SYT16: variants seen among roughly 807,000 people sequenced by gnomAD.
The protein encoded by SYT16 is synaptotagmin-16.
A neutral mutation model predicts 61.4 loss-of-function variants in SYT16; 42 were observed. That is an observed-to-expected ratio of 0.68 (90% CI 0.53 to 0.89). The LOEUF (loss-of-function observed/expected upper bound fraction) is 0.89. Ranked by LOEUF, SYT16 falls within the 40% of genes least tolerant of loss-of-function variation. SYT16 has a pLI of 0.00. For missense variants in SYT16, 804 were observed against 807.3 expected, an observed-to-expected ratio of 1.00 and a Z score of 0.05; for synonymous variants, 314 against 302.3, an observed-to-expected ratio of 1.04 and a Z score of -0.40.
chr14:61,906,787 G>GTCCGTCCATCCA (rs375002498), intron 1 of SYT16, among the ~76,000 whole-genome samples: 3,191 of 142,384 alleles, frequency 0.022, 68 homozygotes, highest in African/African-American at 0.05. Context: ...CCGTCCGTCC[G>GTCCGTCCATCCA]TCCATCCATC....
At chr14:61,816,597 T>A (rs1289839284) in intron 1 of SYT16, among the ~76,000 whole-genome samples, 2 of 152,206 alleles carry the variant, frequency 1.3e-5, no homozygotes, top group Non-Finnish European at 2.9e-5. Flanking sequence ...GATGCTGAAC[T>A]GTTATGTGAA....
At chr14:61,994,408 T>C (rs1480614720) in intron 2 of SYT16, among the ~76,000 whole-genome samples, 1 of 152,172 alleles carries the variant, frequency 6.6e-6, no homozygotes, top group East Asian at 1.9e-4. Context: ...CTTTGTGTTC[T>C]TTATTAGCTC....
chr14:62,080,612 A>G (rs1457739367), intron 5 of SYT16, among the ~76,000 whole-genome samples: 2 of 152,230 alleles, frequency 1.3e-5, no homozygotes, highest in African/African-American at 4.8e-5. Flanking sequence ...TATCCATTCC[A>G]AAAACATTCA....
intron 1 of SYT16, among the ~76,000 whole-genome samples, chr14:61,825,297 C>T (rs996109592): frequency 6.6e-5 from 10 of 152,190 alleles, no homozygotes; most frequent in Non-Finnish European, 1.5e-4. Flanking sequence ...AGTAAGTCTT[C>T]ACTTAATGTA....
intron 1 of SYT16, among the ~76,000 whole-genome samples, chr14:61,828,024 G>A (rs1398984912): frequency 6.6e-6 from 1 of 152,172 alleles, no homozygotes; most frequent in Non-Finnish European, 1.5e-5. Context: ...TCATTAGAGC[G>A]AGCCCCAATT....
chr14:62,081,155 G>A lies in SYT16; in HGVS notation c.1315G>A (p.Ala439Thr), dbSNP rs373510790. The change falls in exon 6 of 8, where the codon GCT (alanine) becomes ACT (threonine). Residue 439 changes from alanine (A) to threonine (T), a missense_variant. Transcript: ENST00000683842. ...CTGTGCTGTCCGCTTCCGCCTGTAC[G>A]CTGCCCGGAAGATGACCCGAGAGAG... ...AACAVRFRLY[A>T]ARKMTRERMM... 4.0e-5 allele frequency: 64 copies of A among 1,613,956 alleles called. 1 individual carries two copies. The highest frequency in any genetic ancestry group is 2.6e-4 in the South Asian group (24 of 91,068).
chr14:62,078,155 C>CTCTCTCTCTATA (rs766089633), intron 5 of SYT16, among the ~76,000 whole-genome samples: 1 of 135,936 alleles, frequency 7.4e-6, no homozygotes, highest in African/African-American at 2.9e-5. Flanking sequence ...CTCTCTCTCT[C>CTCTCTCTCTATA]TATATATATA....
intron 3 of SYT16, among the ~76,000 whole-genome samples, chr14:62,060,446 G>C (rs562776030): frequency 6.7e-6 from 1 of 150,248 alleles, no homozygotes; most frequent in South Asian, 2.1e-4. Flanking sequence ...TTTAGCTATA[G>C]GGTTTTAGTA....
At chr14:62,067,735 G>A (rs1304835533) in intron 3 of SYT16, among the ~76,000 whole-genome samples, 1 of 152,156 alleles carries the variant, frequency 6.6e-6, no homozygotes, top group African/African-American at 2.4e-5. Flanking sequence ...GGGCATGGTG[G>A]CTCACGCCTG....
In SYT16 at chr14:62,023,936, T is replaced by C. The variant is rs564962701; in HGVS notation, c.523+27394T>C. Among the ~76,000 whole-genome samples the C allele has an allele frequency of 2.6e-5, 4 of 152,260 alleles. No individual in the cohort carries two copies. In the South Asian group the frequency reaches 8.3e-4, roughly 32 times the overall value. ...TGATTCTAAAGTTTATATGGGAAAA[T>C]GTTTTATCAATTTCCCATAAAAACC... On this transcript the variant is annotated intron_variant, in intron 3 of 7. Transcript: ENST00000683842.
intron 1 of SYT16, chr14:61,832,069 TCCACTCGTTCACGC>T (rs2045955250): frequency 1.4e-6 from 1 of 720,166 alleles, no homozygotes; most frequent in East Asian, 2.6e-5. Context: ...ACAACCGTCT[TCCACTCGTTCACGC>T]CCCTGTTCAT....
At position 62,111,934 on chromosome 14, in the gene SYT16, C is replaced by G. The variant is rs1485410607; in HGVS notation, c.*11227C>G. On this transcript the variant is annotated 3_prime_UTR_variant, in exon 8 of 8. Coordinates refer to ENST00000683842, the MANE Select transcript of SYT16 (RefSeq NM_001367656.1). Reference sequence around the variant, plus strand: ...AGCATGAATGTATCACTAGCTGTTACCAGAACAAACAGCTGTAGAATGTAA... The same window carrying G: ...AGCATGAATGTATCACTAGCTGTTAGCAGAACAAACAGCTGTAGAATGTAA... 6.6e-6 allele frequency: 1 copy of G among 152,048 alleles called. No individual in the cohort carries two copies. The highest frequency in any genetic ancestry group is 1.5e-5 in the Non-Finnish European group (1 of 67,942). The allele number at this position is 152,048 out of a possible 1,614,324, so 9.4% of individuals were successfully genotyped here.
chr14:61,948,771 A>T (rs981558171), intron 1 of SYT16, among the ~76,000 whole-genome samples: 1 of 152,226 alleles, frequency 6.6e-6, no homozygotes, highest in Non-Finnish European at 1.5e-5. Context: ...CTTGAAGATC[A>T]TAAAAACTTT....
intron 1 of SYT16, among the ~76,000 whole-genome samples, chr14:61,841,867 C>T (rs925400396): frequency 1.3e-5 from 2 of 152,088 alleles, no homozygotes; most frequent in Non-Finnish European, 2.9e-5. Context: ...TTTATGGCTT[C>T]ATAGTATTCC....
intron 1 of SYT16, among the ~76,000 whole-genome samples, chr14:61,885,278 GTTTC>G (rs1229727015): frequency 1.3e-5 from 2 of 152,214 alleles, no homozygotes; most frequent in African/African-American, 4.8e-5. Context: ...CTTTGCCTCA[GTTTC>G]TTTATCTAAA....
chr14:61,877,745 C>T (rs1743274854), intron 1 of SYT16, among the ~76,000 whole-genome samples: 1 of 152,318 alleles, frequency 6.6e-6, no homozygotes, highest in South Asian at 2.1e-4. Flanking sequence ...TCACATGATT[C>T]CTGCAACAGT....
At chr14:62,014,631 A>G (rs10148338) in intron 3 of SYT16, among the ~76,000 whole-genome samples, 68,446 of 151,060 alleles carry the variant, frequency 0.45, 15,869 homozygotes, top group East Asian at 0.7. Context: ...ACGGGGTTTC[A>G]CCATGTTGGC....
intron 1 of SYT16, among the ~76,000 whole-genome samples, chr14:61,964,258 T>G (rs2051221456): frequency 1.3e-5 from 2 of 152,156 alleles, no homozygotes; most frequent in Admixed American, 6.5e-5. Flanking sequence ...ATTGAAAACA[T>G]TTGGAAAGGT....
rs116069183 is a variant in SYT16, at chr14:61,826,713, G to A, written c.-325+13903G>A. On this transcript the variant is annotated intron_variant, in intron 1 of 7. Transcript: ENST00000683842. ...ATTAAACAGAGATCCCTGTAGACTTGCTGCATTGGTCAGCTGGGACTCTCA... is the reference window on the plus strand; with the variant it reads ...ATTAAACAGAGATCCCTGTAGACTTACTGCATTGGTCAGCTGGGACTCTCA... 9.7e-3 allele frequency among the ~76,000 whole-genome samples: 1,470 copies of A among 151,950 alleles called. 53 individuals carry two copies. The highest frequency in any genetic ancestry group is 0.033 in the African/African-American group (1,380 of 41,290).
Sources: gnomAD v4.1 joint callset for allele counts (sites outside exome capture counted in the v4.1 genomes callset) on GRCh38, gnomAD v4.1.1 for gene constraint, MANE v1.5 for transcripts, NCBI Gene and HGNC (gene_info 2026-07-23, HGNC 2026-07-21) for gene names.